Variants in RALGPS2 observed in about 807,000 individuals in gnomAD.
RALGPS2 encodes Ral GEF with PH domain and SH3 binding motif 2, also known as ras-specific guanine nucleotide-releasing factor RalGPS2.
RALGPS2 carries 43 observed loss-of-function variants against 86.8 expected under a neutral mutation model. That is an observed-to-expected ratio of 0.50 (90% CI 0.39 to 0.64). The LOEUF is 0.64. Among genes scored for constraint, RALGPS2 ranks in the 30% least tolerant of loss-of-function variants. The probability of loss-of-function intolerance (pLI) is 0.00; values close to 1 mark genes in which losing one functional copy is unlikely to be tolerated. For missense variants in RALGPS2, 536 were observed against 694.6 expected (o/e 0.77, Z 2.57); for synonymous variants, 243 against 231.3 (o/e 1.05, Z -0.46).
At chr1:178,838,465 T>C (rs940200585) in intron 8 of RALGPS2, among the ~76,000 whole-genome samples, 5 of 152,214 alleles carry the variant, frequency 3.3e-5, no homozygotes, top group African/African-American at 1.2e-4. Flanking sequence ...CTGCGGGTCC[T>C]GACTGTTAGA....
chr1:178,823,118 A>G (rs958356514), intron 7 of RALGPS2, among the ~76,000 whole-genome samples: 10 of 152,222 alleles, frequency 6.6e-5, no homozygotes, highest in Admixed American at 6.5e-4. Context: ...CATTACGCCC[A>G]GTCCTATACT....
chr1:178,892,270 G>A lies in RALGPS2; in HGVS notation c.1288G>A (p.Ala430Thr). ...YHSLGPVTRV[A>T]RNGYRSHMKA... Reference sequence around the variant, plus strand: ...TTCTCTCGGCCCGGTGACAAGAGTGGCACGAAATGGCTATCGAAGTCACAT... The same window carrying A: ...TTCTCTCGGCCCGGTGACAAGAGTGACACGAAATGGCTATCGAAGTCACAT... Residue 430 changes from alanine (A) to threonine (T), a missense_variant, in exon 15 of 20, where the codon GCA (alanine) becomes ACA (threonine). By Grantham distance (58) the Ala-to-Thr change is moderately conservative (BLOSUM62 0). This residue lies in a region of RALGPS2 where 309 missense variants were observed against 363.0 expected (regional missense o/e 0.85). Transcript: ENST00000367635. The A allele has an allele frequency of 6.2e-7, 1 of 1,612,710 alleles. No individual in the cohort carries two copies. The highest frequency in any genetic ancestry group is 8.5e-7 in the Non-Finnish European group (1 of 1,179,088).
chr1:178,824,215 A>G (rs1021125222), intron 7 of RALGPS2, among the ~76,000 whole-genome samples: 1 of 152,128 alleles, frequency 6.6e-6, no homozygotes, highest in Non-Finnish European at 1.5e-5. Flanking sequence ...TGGAGTTGAG[A>G]GAATGGTGAT....
chr1:178,797,447 G>C (rs1334713748), intron 4 of RALGPS2, among the ~76,000 whole-genome samples: 1 of 152,080 alleles, frequency 6.6e-6, no homozygotes, highest in Non-Finnish European at 1.5e-5. Context: ...GTTCTTGGGA[G>C]TCCCGGTGCA....
intron 8 of RALGPS2, chr1:178,852,615 A>G (rs1344259715): frequency 2.0e-5 from 30 of 1,500,754 alleles, no homozygotes; most frequent in South Asian, 3.9e-5. Flanking sequence ...TAGCATATAT[A>G]TTAGTAGATT....
chr1:178,741,322 C>G (rs1163183804), intron 1 of RALGPS2, among the ~76,000 whole-genome samples: 1 of 152,122 alleles, frequency 6.6e-6, no homozygotes, highest in Non-Finnish European at 1.5e-5. Context: ...CCAACTTGCC[C>G]AAGGTTATAC....
At position 178,776,747 on chromosome 1, in the gene RALGPS2, G is replaced by A. The variant is rs764585866; in HGVS notation, c.-18G>A. 16 of 1,607,836 alleles carry A rather than the reference G, an allele frequency of 1.0e-5. No individual in the cohort carries two copies. In the East Asian group the frequency reaches 3.6e-4, roughly 36 times the overall value. On this transcript the variant is annotated 5_prime_UTR_variant, in exon 2 of 20. Coordinates refer to ENST00000367635, the MANE Select transcript of RALGPS2 (RefSeq NM_152663.5). ...CTCTGTTGCTGTTAACATAAGGTCA[G>A]GGACTGATGAGGAAAGCATGGACCT...
At chr1:178,736,898 A>G (rs950679935) in intron 1 of RALGPS2, among the ~76,000 whole-genome samples, 9 of 152,202 alleles carry the variant, frequency 5.9e-5, no homozygotes, top group African/African-American at 2.2e-4. Context: ...CCCCTGTCTT[A>G]AAAAACAAAA....
chr1:178,913,282 CAAA>C (rs564534239), intron 19 of RALGPS2, among the ~76,000 whole-genome samples: 3 of 126,834 alleles, frequency 2.4e-5, no homozygotes, highest in Admixed American at 8.0e-5. Context: ...ACTCCCATCT[CAAA>C]AAAAAAAAAA....
chr1:178,805,134 T>C (rs1424556610), intron 4 of RALGPS2, among the ~76,000 whole-genome samples: 2 of 151,446 alleles, frequency 1.3e-5, no homozygotes, highest in African/African-American at 4.9e-5. Context: ...TGTTTGTTTT[T>C]TTCTTGTAAA....
At chr1:178,883,378 GT>G in intron 10 of RALGPS2, 87 bp from the exon 11 acceptor site, 5 of 1,063,886 alleles carry the variant, frequency 4.7e-6, no homozygotes, top group South Asian at 1.4e-5. Context: ...AATGTTTTTA[GT>G]TTTTTTGTGA....
intron 1 of RALGPS2, among the ~76,000 whole-genome samples, chr1:178,729,365 A>G (rs1650207982): frequency 1.3e-5 from 2 of 152,114 alleles, no homozygotes; most frequent in Admixed American, 1.3e-4. Flanking sequence ...TCATGAGGAC[A>G]AGGGCTTATT....
chr1:178,727,764 T>C (rs937501254), intron 1 of RALGPS2, among the ~76,000 whole-genome samples: 5 of 152,118 alleles, frequency 3.3e-5, no homozygotes, highest in African/African-American at 1.2e-4. Flanking sequence ...ATTCTGCACA[T>C]GTGTATTGGG....
intron 7 of RALGPS2, among the ~76,000 whole-genome samples, chr1:178,822,623 A>G (rs573071574): frequency 8.0e-4 from 121 of 151,928 alleles, no homozygotes; most frequent in African/African-American, 2.6e-3. Context: ...AAACATTAGT[A>G]TGGAAAAGCT....
At chr1:178,815,854 A>G (rs1414141146) in intron 6 of RALGPS2, among the ~76,000 whole-genome samples, 1 of 152,206 alleles carries the variant, frequency 6.6e-6, no homozygotes, top group African/African-American at 2.4e-5. Flanking sequence ...ACAGAAAGCT[A>G]TTACTTGTGG....
rs969124710 is a variant in RALGPS2 at position 178,916,219 on chromosome 1, A to C, written c.1723-111A>C. 4 of 833,256 alleles carry C rather than the reference A, an allele frequency of 4.8e-6. No homozygotes were observed. In the African/African-American group the frequency reaches 6.9e-5, roughly 14 times the overall value. 51.6% of individuals were successfully genotyped at this position (833,256 alleles called of 1,614,324 possible). The stretch of plus-strand genomic sequence containing the variant: ...AAGCTCCTTATATCAAGTTCCTTTT[A>C]AAAGATACTTAAGTAGAAAGATTGG... On this transcript the variant is annotated intron_variant, in intron 19 of 19. Coordinates refer to ENST00000367635, the MANE Select transcript of RALGPS2 (RefSeq NM_152663.5).
At chr1:178,912,103 G>GA (rs1222054676) in intron 19 of RALGPS2, among the ~76,000 whole-genome samples, 2 of 152,122 alleles carry the variant, frequency 1.3e-5, no homozygotes, top group Non-Finnish European at 2.9e-5. Context: ...TGTTACATGT[G>GA]AGATGGTTCT....
At chr1:178,904,820 G>A (rs1013973179) in intron 18 of RALGPS2, among the ~76,000 whole-genome samples, 7 of 152,008 alleles carry the variant, frequency 4.6e-5, no homozygotes, top group Admixed American at 6.6e-5. Context: ...GTCTTGCTTC[G>A]GCTGTGGTGG....
chr1:178,862,022 A>G (rs1356046704), intron 8 of RALGPS2, among the ~76,000 whole-genome samples: 1 of 151,950 alleles, frequency 6.6e-6, no homozygotes, highest in East Asian at 1.9e-4. Context: ...ACAGGCACGC[A>G]CCACCATGCC....
Sources: gnomAD v4.1 joint callset for allele counts (sites outside exome capture counted in the v4.1 genomes callset) on GRCh38, gnomAD v4.1.1 for gene constraint, gnomAD v4.1.1 regional missense constraint, MANE v1.5 for transcripts, NCBI Gene and HGNC (gene_info 2026-07-23, HGNC 2026-07-21) for gene names.